STX19: variants seen among roughly 807,000 people sequenced by gnomAD.
STX19 encodes syntaxin 19.
Under a neutral mutation model 24.3 loss-of-function variants are expected in STX19, and 26 were observed. That is an observed-to-expected ratio of 1.07 (90% CI 0.78 to 1.48). The LOEUF is 1.48. Ranked by LOEUF, STX19 falls within the 40% of genes most tolerant of loss-of-function variation. STX19 has a pLI of 0.00. For synonymous variants in STX19, 116 were observed against 106.9 expected (o/e 1.09, Z -0.52); for missense variants, 367 against 331.9 (o/e 1.11, Z -0.82).
intron 1 of STX19, among the ~76,000 whole-genome samples, chr3:94,026,043 G>A (rs547807899): frequency 7.6e-5 from 11 of 144,156 alleles, no homozygotes; most frequent in African/African-American, 1.0e-4. Flanking sequence ...TTTTTGAGAC[G>A]GAGTCTCTCT....
At chr3:94,025,444 T>C (rs2076536311) in intron 1 of STX19, among the ~76,000 whole-genome samples, 1 of 152,228 alleles carries the variant, frequency 6.6e-6, no homozygotes, top group African/African-American at 2.4e-5. Flanking sequence ...GTATTTCTTT[T>C]GAACATTTAG....
intron 1 of STX19, among the ~76,000 whole-genome samples, chr3:94,015,589 A>G (rs1044707049): frequency 6.6e-6 from 1 of 152,158 alleles, no homozygotes; most frequent in African/African-American, 2.4e-5. Context: ...TTTTTGTAAT[A>G]AAGAATGCTT....
chr3:94,016,442 T>C (rs2076334911), intron 1 of STX19, among the ~76,000 whole-genome samples: 1 of 151,656 alleles, frequency 6.6e-6, no homozygotes, highest in African/African-American at 2.4e-5. Context: ...GAGGAATCTT[T>C]AGTATGTTGA....
intron 1 of STX19, among the ~76,000 whole-genome samples, chr3:94,016,906 A>G (rs1008550043): frequency 1.3e-5 from 2 of 152,148 alleles, no homozygotes; most frequent in African/African-American, 4.8e-5. Context: ...TGGCCTCCCA[A>G]AGTGCTGGGA....
chr3:94,015,171 C>A lies in STX19; in HGVS notation c.99G>T (p.Val33=), dbSNP rs761480100. The A allele has an allele frequency of 1.2e-6, 2 of 1,613,886 alleles. No homozygotes were observed. The highest frequency in any genetic ancestry group is 1.7e-6 in the Non-Finnish European group (2 of 1,179,924). Residue 33 remains valine (V), a synonymous_variant, in exon 2 of 2, where the codon GTG becomes GTT. Transcript: ENST00000315099. ...VSTTETEEQG[V]FLQQAVIYER... ...CATAAATAACAGCTTGCTGTAGAAA[C>A]ACCCCTTGTTCCTCTGTTTCTGTAG...
At chr3:94,021,583 C>T (rs954320754) in intron 1 of STX19, among the ~76,000 whole-genome samples, 4 of 152,086 alleles carry the variant, frequency 2.6e-5, no homozygotes, top group Non-Finnish European at 2.9e-5. Context: ...AAACTTTTTA[C>T]CATGTGGCAA....
intron 1 of STX19, 87 bp from the exon 2 acceptor site, chr3:94,015,369 C>A: frequency 1.0e-6 from 1 of 974,136 alleles, no homozygotes; most frequent in Non-Finnish European, 1.4e-6. Flanking sequence ...TGTCTATATC[C>A]CAGCAAAAGT....
At chr3:94,026,831 A>T (rs547955295) in intron 1 of STX19, among the ~76,000 whole-genome samples, 11 of 152,290 alleles carry the variant, frequency 7.2e-5, no homozygotes, top group African/African-American at 2.4e-4. Flanking sequence ...TACTAGCAAG[A>T]ACTGTATCTG....
chr3:94,018,574 C>G (rs920915782), intron 1 of STX19, among the ~76,000 whole-genome samples: 1 of 152,064 alleles, frequency 6.6e-6, no homozygotes, highest in East Asian at 1.9e-4. Flanking sequence ...GCATTAAATG[C>G]TGTTTGTAAG....
At chr3:94,018,294 A>G (rs1257919366) in intron 1 of STX19, among the ~76,000 whole-genome samples, 2 of 152,108 alleles carry the variant, frequency 1.3e-5, no homozygotes, top group Admixed American at 1.3e-4. Context: ...CTTTAATGAT[A>G]GAGATGGAGT....
rs775916770 is a variant in STX19, at chr3:94,014,825, A to G, written c.445T>C (p.Phe149Leu). Residue 149 changes from phenylalanine to leucine, a missense_variant, in exon 2 of 2, where the codon TTT (phenylalanine) becomes CTT (leucine). Phe to Leu is a conservative substitution (Grantham distance 22). Transcript: ENST00000315099. The part of the protein sequence containing the change: ...AMFRHFQQIM[F>L]IYNDTIAAKQ... Reference sequence around the variant, plus strand: ...GCTGCTATTGTGTCATTGTATATAAACATGATTTGCTGAAAATGGCGGAAC... The same window carrying G: ...GCTGCTATTGTGTCATTGTATATAAGCATGATTTGCTGAAAATGGCGGAAC... The G allele has an allele frequency of 8.7e-6, 14 of 1,614,114 alleles. No individual in the cohort carries two copies. The highest frequency in any genetic ancestry group is 1.2e-5 in the Non-Finnish European group (14 of 1,179,984).
At chr3:94,025,447 A>G (rs2076536369) in intron 1 of STX19, among the ~76,000 whole-genome samples, 1 of 152,184 alleles carries the variant, frequency 6.6e-6, no homozygotes, top group East Asian at 1.9e-4. Flanking sequence ...TTTCTTTTGA[A>G]CATTTAGAGA....
chr3:94,020,929 C>A (rs1017175739), intron 1 of STX19, among the ~76,000 whole-genome samples: 69 of 152,140 alleles, frequency 4.5e-4, no homozygotes, highest in African/African-American at 1.5e-3. Flanking sequence ...ATTCCATACG[C>A]CTCTTCCTCT....
chr3:94,023,484 T>G (rs536120844), intron 1 of STX19, among the ~76,000 whole-genome samples: 114 of 152,290 alleles, frequency 7.5e-4, no homozygotes, highest in African/African-American at 2.7e-3. Context: ...GTATTTACGG[T>G]CTTGCTTTTT....
rs551071006 is a variant in STX19, at chr3:94,015,364, A to G, written c.-13-82T>C. 11 of 1,025,056 alleles carry G rather than the reference A, an allele frequency of 1.1e-5. No individual in the cohort carries two copies. In the East Asian group the frequency reaches 1.8e-4, roughly 17 times the overall value. The allele number at this position is 1,025,056 out of a possible 1,614,324, so 63.5% of individuals were successfully genotyped here. A position where few individuals can be genotyped will look rare whatever the true frequency, so the allele number is the denominator to read the frequency against. ...AGCAGTTGACTTCACATAACTGTCT[A>G]TATCCCAGCAAAAGTTCTCCTAGTT... On this transcript the variant is annotated intron_variant, in intron 1 of 1. Coordinates refer to ENST00000315099, the MANE Select transcript of STX19 (RefSeq NM_001001850.3).
chr3:94,018,258 G>C (rs533909975), intron 1 of STX19, among the ~76,000 whole-genome samples: 1 of 151,770 alleles, frequency 6.6e-6, no homozygotes, highest in Non-Finnish European at 1.5e-5. Context: ...TCCTGGGGAG[G>C]GGGTGGGAGT....
At chr3:94,015,384 C>T in intron 1 of STX19, 102 bp from the exon 2 acceptor site, 1 of 820,792 alleles carries the variant, frequency 1.2e-6, no homozygotes, top group Non-Finnish European at 1.8e-6. Flanking sequence ...AAAAGTTCTC[C>T]TAGTTTTCTC....
At chr3:94,018,689 T>C (rs1424426923) in intron 1 of STX19, among the ~76,000 whole-genome samples, 1 of 152,192 alleles carries the variant, frequency 6.6e-6, no homozygotes, top group East Asian at 1.9e-4. Context: ...ATAATCTTCC[T>C]GTGAACCCGT....
intron 1 of STX19, among the ~76,000 whole-genome samples, chr3:94,021,040 A>T (rs2076437031): frequency 6.6e-6 from 1 of 152,012 alleles, no homozygotes; most frequent in Non-Finnish European, 1.5e-5. Context: ...AGATCCAAGG[A>T]AAAAAATGAG....
Sources: gnomAD v4.1 joint callset for allele counts (sites outside exome capture counted in the v4.1 genomes callset) on GRCh38, gnomAD v4.1.1 for gene constraint, MANE v1.5 for transcripts, NCBI Gene and HGNC (gene_info 2026-07-23, HGNC 2026-07-21) for gene names.